Variants in GRM3 observed in about 807,000 individuals in gnomAD.
GRM3 encodes the protein glutamate metabotropic receptor 3.
A neutral mutation model predicts 70.5 loss-of-function variants in GRM3; 26 were observed. The observed-to-expected ratio is 0.37, with a 90% confidence interval of 0.27 to 0.51. The LOEUF is 0.51. GRM3 is among the 20% of genes least tolerant of loss of function. GRM3 has a pLI of 0.93. For synonymous variants in GRM3, 443 were observed against 434.9 expected (o/e 1.02, Z -0.23); for missense variants, 859 against 1,123.8 (o/e 0.76, Z 3.37).
At chr7:86,838,702 A>G (rs532871009) in intron 3 of GRM3, 137 bp from the exon 4 acceptor site, 2 of 612,824 alleles carry the variant, frequency 3.3e-6, no homozygotes, top group East Asian at 2.7e-5. Context: ...GTAACTTTCA[A>G]TGGTAACTGA....
intron 1 of GRM3, among the ~76,000 whole-genome samples, chr7:86,728,107 T>C (rs1795634045): frequency 6.6e-6 from 1 of 152,186 alleles, no homozygotes; most frequent in African/African-American, 2.4e-5. Flanking sequence ...TATCCCTCCA[T>C]GTACTCTCTA....
chr7:86,663,687 G>A (rs1224884742), intron 1 of GRM3, among the ~76,000 whole-genome samples: 2 of 151,894 alleles, frequency 1.3e-5, no homozygotes, highest in African/African-American at 2.4e-5. Context: ...TAGATACATC[G>A]TTAAGAAGTT....
intron 1 of GRM3, among the ~76,000 whole-genome samples, chr7:86,724,407 T>C (rs1456156219): frequency 1.3e-5 from 2 of 152,148 alleles, no homozygotes; most frequent in Admixed American, 1.3e-4. Flanking sequence ...CTTCAGCTCA[T>C]ATTGTCTAAC....
intron 1 of GRM3, among the ~76,000 whole-genome samples, chr7:86,733,097 G>A (rs1189778012): frequency 2.0e-5 from 3 of 151,936 alleles, no homozygotes; most frequent in Admixed American, 6.6e-5. Flanking sequence ...GGTGGATCAC[G>A]AGGTCAGGAG....
In GRM3 at chr7:86,765,086, G is replaced by A. The variant is rs1796567517; in HGVS notation, c.-60G>A. The A allele has an allele frequency of 2.6e-6, 4 of 1,515,028 alleles. No individual in the cohort carries two copies. The highest frequency in any genetic ancestry group is 2.6e-6 in the Non-Finnish European group (3 of 1,139,562). 93.8% of individuals were successfully genotyped at this position (1,515,028 alleles called of 1,614,324 possible). A position where few individuals can be genotyped will look rare whatever the true frequency, so the allele number is the denominator to read the frequency against. The stretch of plus-strand genomic sequence containing the variant: ...AAGATCCAGTTTGGAAATGAGAGAG[G>A]ACTAGCATGACACATTGGCTCCACC... On this transcript the variant is annotated 5_prime_UTR_variant, in exon 2 of 6. Transcript: ENST00000361669.
intron 3 of GRM3, among the ~76,000 whole-genome samples, chr7:86,822,973 T>G (rs568314718): frequency 5.9e-5 from 9 of 152,182 alleles, no homozygotes; most frequent in Non-Finnish European, 1.2e-4. Context: ...AACAGAAATT[T>G]CAGCTAACAT....
chr7:86,820,281 G>T (rs1003998787), intron 3 of GRM3, among the ~76,000 whole-genome samples: 1 of 152,056 alleles, frequency 6.6e-6, no homozygotes, highest in Admixed American at 6.6e-5. Flanking sequence ...TTTCATGGTT[G>T]GAATAGCCCA....
rs192141105 is a variant in GRM3 at position 86,716,612 on chromosome 7, T to C, written c.-140-48394T>C. On this transcript the variant is annotated intron_variant, in intron 1 of 5. Transcript: ENST00000361669. ...GCACATATGCAGGTATCTGCACACA[T>C]GAGTCAAACAAGATCATGGAAGGGA... is the stretch of plus-strand genomic sequence containing the variant. Among the ~76,000 whole-genome samples, 667 of 150,708 alleles carry C rather than the reference T, an allele frequency of 4.4e-3. 2 individuals carry two copies. Among genetic ancestry groups the C allele is most frequent in the Middle Eastern group, 0.01 (3 of 292 alleles).
intron 1 of GRM3, among the ~76,000 whole-genome samples, chr7:86,731,593 T>C (rs143479004): frequency 6.6e-6 from 1 of 152,334 alleles, no homozygotes; most frequent in Non-Finnish European, 1.5e-5. Context: ...AATTATCCCT[T>C]TCATTCTTAA....
intron 1 of GRM3, among the ~76,000 whole-genome samples, chr7:86,706,309 T>C (rs1172277575): frequency 6.6e-6 from 1 of 152,070 alleles, no homozygotes. Context: ...AACAAAGCTA[T>C]ATTGAGAATT....
intron 3 of GRM3, among the ~76,000 whole-genome samples, chr7:86,827,901 A>G (rs1156258924): frequency 6.6e-6 from 1 of 152,144 alleles, no homozygotes; most frequent in African/African-American, 2.4e-5. Flanking sequence ...ACACAAGGTC[A>G]GGAGATGGAG....
At chr7:86,680,764 T>C (rs1278513804) in intron 1 of GRM3, among the ~76,000 whole-genome samples, 1 of 152,070 alleles carries the variant, frequency 6.6e-6, no homozygotes, top group African/African-American at 2.4e-5. Context: ...TTCTTAGAGC[T>C]CCCAGCCCCT....
intron 3 of GRM3, among the ~76,000 whole-genome samples, chr7:86,826,244 A>G (rs1798230789): frequency 6.6e-6 from 1 of 152,202 alleles, no homozygotes; most frequent in Non-Finnish European, 1.5e-5. Context: ...CTGGGGATAG[A>G]AATTAAATGG....
At chr7:86,723,519 A>C (rs1469973645) in intron 1 of GRM3, among the ~76,000 whole-genome samples, 1 of 152,182 alleles carries the variant, frequency 6.6e-6, no homozygotes, top group Admixed American at 6.5e-5. Flanking sequence ...ATATGATCTG[A>C]TTAGCAAAGA....
intron 2 of GRM3, among the ~76,000 whole-genome samples, chr7:86,769,351 T>C (rs757294449): frequency 6.6e-6 from 1 of 152,160 alleles, no homozygotes; most frequent in Non-Finnish European, 1.5e-5. Context: ...GCTGTCTGAT[T>C]ATAACATCTA....
At chr7:86,771,762 AAAG>A (rs1167732071) in intron 2 of GRM3, among the ~76,000 whole-genome samples, 4 of 152,086 alleles carry the variant, frequency 2.6e-5, no homozygotes, top group South Asian at 2.1e-4. Context: ...GGGAGATCAG[AAAG>A]AAGAATAGAA....
intron 3 of GRM3, among the ~76,000 whole-genome samples, chr7:86,794,462 T>C (rs958329160): frequency 6.6e-6 from 1 of 152,212 alleles, no homozygotes; most frequent in African/African-American, 2.4e-5. Flanking sequence ...TTGAGTTTAG[T>C]AAGCCTTCAC....
intron 1 of GRM3, among the ~76,000 whole-genome samples, chr7:86,759,385 T>A (rs1461114918): frequency 6.6e-6 from 1 of 152,180 alleles, no homozygotes; most frequent in Non-Finnish European, 1.5e-5. Flanking sequence ...TACTATAATG[T>A]CATTTTGAAA....
chr7:86,729,924 G>A (rs1795688166), intron 1 of GRM3, among the ~76,000 whole-genome samples: 1 of 151,900 alleles, frequency 6.6e-6, no homozygotes, highest in Admixed American at 6.6e-5. Context: ...TGGCCAACAT[G>A]GTGAAACCCT....
Sources: allele counts gnomAD v4.1 joint callset (sites outside exome capture counted in the v4.1 genomes callset), GRCh38; gene constraint gnomAD v4.1.1; transcripts MANE v1.5; gene names NCBI Gene and HGNC (gene_info 2026-07-23, HGNC 2026-07-21).